THSD4: variants seen among roughly 807,000 people sequenced by gnomAD.
The protein encoded by THSD4 is thrombospondin type 1 domain containing 4.
Under a neutral mutation model 119.0 loss-of-function variants are expected in THSD4, and 69 were observed. The observed-to-expected ratio is 0.58, with a 90% CI of 0.48 to 0.71. The LOEUF is 0.71. Ranked by LOEUF, THSD4 falls within the 30% of genes least tolerant of loss-of-function variation. The pLI, the probability that THSD4 is intolerant of heterozygous loss-of-function variation, is 0.00. For synonymous variants in THSD4, 524 were observed against 540.4 expected (o/e 0.97, Z 0.42); for missense variants, 1,393 against 1,391.1 (o/e 1.00, Z -0.02).
At chr15:71,248,065 A>G (rs570990801) in intron 5 of THSD4, among the ~76,000 whole-genome samples, 2 of 152,296 alleles carry the variant, frequency 1.3e-5, no homozygotes, top group South Asian at 4.2e-4. Flanking sequence ...TTGAGGCCAG[A>G]GGCCAGGAGT....
chr15:71,569,765 G>A (rs997533287), intron 7 of THSD4, among the ~76,000 whole-genome samples: 6 of 152,170 alleles, frequency 3.9e-5, no homozygotes, highest in Admixed American at 2.0e-4. Context: ...AGACCAAGTC[G>A]GGCAGATCAC....
At chr15:71,644,157 A>T (rs1233000450) in intron 7 of THSD4, among the ~76,000 whole-genome samples, 1 of 152,204 alleles carries the variant, frequency 6.6e-6, no homozygotes, top group Non-Finnish European at 1.5e-5. Flanking sequence ...ACTCAGGCTA[A>T]CACCAGGGTC....
chr15:71,512,073 C>T (rs1427953189), intron 7 of THSD4, among the ~76,000 whole-genome samples: 4 of 152,118 alleles, frequency 2.6e-5, no homozygotes, highest in South Asian at 2.1e-4. Context: ...CTCTGGAGAC[C>T]GAGTTTTGTT....
chr15:71,585,935 G>A (rs2049660464), intron 7 of THSD4, among the ~76,000 whole-genome samples: 1 of 151,956 alleles, frequency 6.6e-6, no homozygotes, highest in South Asian at 2.1e-4. Flanking sequence ...ATTTTTTATA[G>A]TTTGTATTTC....
chr15:71,367,723 G>A (rs552220050), intron 6 of THSD4, among the ~76,000 whole-genome samples: 59 of 152,290 alleles, frequency 3.9e-4, no homozygotes, highest in African/African-American at 1.4e-3. Context: ...TTGCTATTGT[G>A]AACAGTGCTG....
chr15:71,335,505 C>G (rs2140379811), intron 6 of THSD4, among the ~76,000 whole-genome samples: 1 of 152,158 alleles, frequency 6.6e-6, no homozygotes, highest in Middle Eastern at 3.4e-3. Flanking sequence ...GTCTGGACCC[C>G]TTTTTGAGGA....
chr15:71,724,287 A>ATATATATATATTTTTTTT lies in THSD4; in HGVS notation c.1358-4261_1358-4260insATATATATATTTTTTTTT. Among the ~76,000 whole-genome samples, 3 of 37,288 alleles carry ATATATATATATTTTTTTT rather than the reference A, an allele frequency of 8.0e-5. 1 individual carries two copies. The East Asian group carries it at 5.3e-3, about 66-fold the overall frequency. 24.5% of individuals were successfully genotyped at this position (37,288 alleles called of 152,430 possible). On this transcript the variant is annotated intron_variant, in intron 8 of 17. Transcript: ENST00000261862. Reference sequence around the variant, plus strand: ...ATGGGATATATATATATATATATATATTTTTTTTTTCCCCCCAAGATGGAA... The same window carrying ATATATATATATTTTTTTT: ...ATGGGATATATATATATATATATATATATATATATATTTTTTTTTTTTTTTTTTCCCCCCAAGATGGAA...
intron 3 of THSD4, among the ~76,000 whole-genome samples, chr15:71,199,865 GTGTGTGTGTGTGTGGTGCA>G (rs1567155049): frequency 1.7e-5 from 2 of 119,578 alleles, no homozygotes; most frequent in South Asian, 3.2e-4. Flanking sequence ...CATGTGTGGG[GTGTGTGTGTGTGTGGTGCA>G]TGTGTGGTAT....
intron 7 of THSD4, among the ~76,000 whole-genome samples, chr15:71,479,237 A>C (rs1282698440): frequency 1.5e-5 from 2 of 135,622 alleles, no homozygotes; most frequent in Non-Finnish European, 3.0e-5. Flanking sequence ...TACCTGAGTA[A>C]GGTACTAGAT....
chr15:71,560,189 A>G (rs1400499464), intron 7 of THSD4, among the ~76,000 whole-genome samples: 2 of 152,260 alleles, frequency 1.3e-5, no homozygotes, highest in Non-Finnish European at 2.9e-5. Context: ...GGCATTTTTA[A>G]GGGACAAAAT....
intron 7 of THSD4, among the ~76,000 whole-genome samples, chr15:71,511,703 A>G (rs566132773): frequency 2.5e-4 from 38 of 152,282 alleles, no homozygotes; most frequent in Non-Finnish European, 4.0e-4. Flanking sequence ...TCATGATTGT[A>G]TTTCTTGTCA....
Position 71,570,876 on chromosome 15 carries a change from C to T in THSD4, c.1153-89654C>T, listed in dbSNP as rs139906333. On this transcript the variant is annotated intron_variant, in intron 7 of 17. Coordinates refer to ENST00000261862, the MANE Select transcript of THSD4 (RefSeq NM_024817.3). ...CCTGTTCATCTCTGGGTGTCTGTGGCTCCAGGCAGTTTCCCAGACTACACT... is the reference window on the plus strand; with the variant it reads ...CCTGTTCATCTCTGGGTGTCTGTGGTTCCAGGCAGTTTCCCAGACTACACT... Among the ~76,000 whole-genome samples the T allele has an allele frequency of 7.6e-3, 1,155 of 152,220 alleles. 2 individuals carry two copies. The highest frequency in any genetic ancestry group is 0.012 in the Non-Finnish European group (784 of 68,020).
At chr15:71,666,670 C>G (rs971348917) in intron 8 of THSD4, among the ~76,000 whole-genome samples, 53 of 152,122 alleles carry the variant, frequency 3.5e-4, no homozygotes, top group African/African-American at 1.2e-3. Context: ...TTTAGACTTA[C>G]TAAAACTTAC....
At position 71,199,783 on chromosome 15, in the gene THSD4, G is replaced by GGTGTGTGGTGT. The variant is rs1480484769; in HGVS notation, c.100-15245_100-15244insGTGTGTGTGTG. Among the ~76,000 whole-genome samples the GGTGTGTGGTGT allele has an allele frequency of 3.0e-3, 295 of 98,046 alleles. 2 individuals carry two copies. The highest frequency in any genetic ancestry group is 0.012 in the African/African-American group (274 of 23,776). The allele number at this position is 98,046 out of a possible 152,430, so 64.3% of individuals were successfully genotyped here. A position where few individuals can be genotyped will look rare whatever the true frequency, so the allele number is the denominator to read the frequency against. ...ATGTGTGTGGTGTGTGTGGTGTGTG[G>GGTGTGTGGTGT]GTGTGTGCTGTGTGTGTGCTGTGTG... On this transcript the variant is annotated intron_variant, in intron 3 of 17. Transcript: ENST00000261862.
intron 6 of THSD4, among the ~76,000 whole-genome samples, chr15:71,287,502 A>G (rs1430094417): frequency 1.3e-5 from 2 of 152,204 alleles, no homozygotes; most frequent in Non-Finnish European, 2.9e-5. Context: ...TAGATGTTTT[A>G]TATCCAAAAC....
chr15:71,375,239 G>T (rs933210443), intron 6 of THSD4, among the ~76,000 whole-genome samples: 3 of 152,218 alleles, frequency 2.0e-5, no homozygotes, highest in Non-Finnish European at 4.4e-5. Flanking sequence ...GGCAGAGTAT[G>T]TGCATGTGGA....
At chr15:71,369,693 A>C (rs1384231799) in intron 6 of THSD4, among the ~76,000 whole-genome samples, 3 of 152,198 alleles carry the variant, frequency 2.0e-5, no homozygotes, top group Non-Finnish European at 2.9e-5. Context: ...CCAGTATTTT[A>C]TTGAGGATTT....
At chr15:71,435,005 C>T (rs1046435637) in intron 7 of THSD4, among the ~76,000 whole-genome samples, 4 of 152,062 alleles carry the variant, frequency 2.6e-5, no homozygotes, top group Admixed American at 2.6e-4. Flanking sequence ...CCCGCTAAGA[C>T]AGTTAGAAGA....
intron 7 of THSD4, among the ~76,000 whole-genome samples, chr15:71,640,647 A>G (rs571835238): frequency 2.4e-4 from 36 of 152,326 alleles, no homozygotes; most frequent in African/African-American, 8.4e-4. Context: ...ATTGCATGAT[A>G]TCTTAATCTT....
Sources: gnomAD v4.1 joint callset for allele counts (sites outside exome capture counted in the v4.1 genomes callset) on GRCh38, gnomAD v4.1.1 for gene constraint, MANE v1.5 for transcripts, NCBI Gene and HGNC (gene_info 2026-07-23, HGNC 2026-07-21) for gene names.